The following NBEA variants were observed in gnomAD, a reference collection of about 807,000 sequenced individuals.
The protein encoded by NBEA is neurobeachin.
NBEA carries 44 observed loss-of-function variants against 343.4 expected under a neutral mutation model. The observed-to-expected ratio is 0.13, with a 90% CI of 0.10 to 0.16. The LOEUF is 0.16. Among genes scored for constraint, NBEA ranks in the 10% least tolerant of loss-of-function variants. The pLI is 1.00. For missense variants in NBEA, 2,555 were observed against 3,631.3 expected (o/e 0.70, Z 7.62); for synonymous variants, 1,175 against 1,238.7 (o/e 0.95, Z 1.08).
intron 1 of NBEA, among the ~76,000 whole-genome samples, chr13:35,028,197 A>G (rs900471871): frequency 1.3e-5 from 2 of 151,912 alleles, no homozygotes; most frequent in African/African-American, 4.8e-5. Flanking sequence ...TCTTGTTTAC[A>G]TCTACTAAAA....
intron 49 of NBEA, among the ~76,000 whole-genome samples, chr13:35,642,034 A>G (rs1388473362): frequency 2.6e-5 from 4 of 152,174 alleles, no homozygotes; most frequent in African/African-American, 4.8e-5. Flanking sequence ...AAGCAAATCT[A>G]TATTTTCATG....
chr13:35,349,638 T>C (rs2040074654), intron 37 of NBEA, among the ~76,000 whole-genome samples: 1 of 152,162 alleles, frequency 6.6e-6, no homozygotes, highest in Non-Finnish European at 1.5e-5. Flanking sequence ...AACAGTTATT[T>C]ATTATTTCAG....
At chr13:35,567,480 G>T (rs2080187000) in intron 45 of NBEA, among the ~76,000 whole-genome samples, 2 of 152,114 alleles carry the variant, frequency 1.3e-5, no homozygotes, top group South Asian at 4.1e-4. Context: ...CCAAAAGATG[G>T]CAAGAAAATG....
chr13:35,500,766 T>G (rs910460744), intron 41 of NBEA, among the ~76,000 whole-genome samples: 7 of 150,700 alleles, frequency 4.6e-5, no homozygotes, highest in African/African-American at 1.7e-4. Flanking sequence ...AATATTATCA[T>G]AGGAAATGGA....
intron 6 of NBEA, among the ~76,000 whole-genome samples, chr13:35,052,134 G>A (rs1312688722): frequency 2.6e-5 from 4 of 151,954 alleles, no homozygotes; most frequent in Non-Finnish European, 4.4e-5. Flanking sequence ...CACAAACCTT[G>A]AAAAGTCATA....
At chr13:35,416,803 G>A (rs1326622251) in intron 38 of NBEA, among the ~76,000 whole-genome samples, 1 of 151,876 alleles carries the variant, frequency 6.6e-6, no homozygotes, top group East Asian at 1.9e-4. Flanking sequence ...AATAGTTTCA[G>A]AAAGAATATT....
At chr13:35,607,067 A>G (rs930957943) in intron 48 of NBEA, among the ~76,000 whole-genome samples, 1 of 152,130 alleles carries the variant, frequency 6.6e-6, no homozygotes, top group Non-Finnish European at 1.5e-5. Flanking sequence ...GTTTTGTTTT[A>G]CAGACAGTGT....
chr13:35,573,498 A>G (rs1294930931), intron 45 of NBEA, among the ~76,000 whole-genome samples: 1 of 152,178 alleles, frequency 6.6e-6, no homozygotes, highest in Admixed American at 6.5e-5. Context: ...TTGTTTGTTT[A>G]TATCTCCAGT....
intron 55 of NBEA, among the ~76,000 whole-genome samples, chr13:35,660,233 A>G (rs937502681): frequency 2.0e-5 from 3 of 152,212 alleles, no homozygotes; most frequent in African/African-American, 4.8e-5. Context: ...CAGACACTCA[A>G]AATACATTGG....
intron 38 of NBEA, among the ~76,000 whole-genome samples, chr13:35,394,544 A>C (rs2042652975): frequency 6.6e-6 from 1 of 152,148 alleles, no homozygotes; most frequent in South Asian, 2.1e-4. Context: ...AATTAATATA[A>C]ATGTATTTTT....
intron 24 of NBEA, 25 bp downstream of exon 24, chr13:35,164,534 G>A (rs2069837391): frequency 6.3e-7 from 1 of 1,597,350 alleles, no homozygotes. Flanking sequence ...TCCATCTAGT[G>A]GTTATATTTT....
chr13:35,382,573 AAAT>A (rs2042065064), intron 38 of NBEA, among the ~76,000 whole-genome samples: 2 of 152,096 alleles, frequency 1.3e-5, no homozygotes, highest in Admixed American at 6.6e-5. Flanking sequence ...AATTATCAAT[AAAT>A]AATTGTGAAA....
At chr13:35,481,630 C>G (rs2076125389) in intron 41 of NBEA, among the ~76,000 whole-genome samples, 1 of 151,766 alleles carries the variant, frequency 6.6e-6, no homozygotes, top group Admixed American at 6.6e-5. Context: ...ACAAACCCTT[C>G]AGAAAGTTAC....
At chr13:35,001,596 A>C (rs1848508142) in intron 1 of NBEA, among the ~76,000 whole-genome samples, 1 of 152,152 alleles carries the variant, frequency 6.6e-6, no homozygotes, top group Non-Finnish European at 1.5e-5. Context: ...ACATGTTCTC[A>C]CTCATATGTG....
intron 1 of NBEA, among the ~76,000 whole-genome samples, chr13:34,967,352 T>G (rs989894802): frequency 1.3e-5 from 2 of 151,824 alleles, no homozygotes; most frequent in Non-Finnish European, 2.9e-5. Context: ...TTTTACCTTT[T>G]TTTTTTTAAA....
chr13:35,470,388 T>C (rs201272752), intron 40 of NBEA, among the ~76,000 whole-genome samples: 3 of 151,840 alleles, frequency 2.0e-5, no homozygotes, highest in African/African-American at 4.8e-5. Flanking sequence ...TTTTTTTTCA[T>C]GTTCTCAATT....
At chr13:35,463,138 G>A (rs1442092935) in intron 40 of NBEA, among the ~76,000 whole-genome samples, 5 of 152,148 alleles carry the variant, frequency 3.3e-5, no homozygotes, top group African/African-American at 1.2e-4. Context: ...CAATGAAGGA[G>A]AGCCCATAAT....
Position 35,550,646 on chromosome 13 carries a change from T to G in NBEA, c.6703+52T>G. The G allele has an allele frequency of 9.9e-6, 11 of 1,110,306 alleles. No homozygotes were observed. The South Asian group carries it at 1.5e-4, about 15-fold the overall frequency. The allele number at this position is 1,110,306 out of a possible 1,614,324, so 68.8% of individuals were successfully genotyped here. On this transcript the variant is annotated intron_variant, in intron 42 of 58. Transcript: ENST00000379939. ...AAATGTGCTCATATTTACATATTAT[T>G]CATTTACATGGTATGATAATGTCTT... is the stretch of plus-strand genomic sequence containing the variant.
chr13:35,124,767 TAC>T (rs760607449), intron 17 of NBEA, among the ~76,000 whole-genome samples: 19 of 150,092 alleles, frequency 1.3e-4, no homozygotes, highest in African/African-American at 3.2e-4. Flanking sequence ...TGGATATATA[TAC>T]ACACATATAT....
Sources: allele counts gnomAD v4.1 joint callset (sites outside exome capture counted in the v4.1 genomes callset), GRCh38; gene constraint gnomAD v4.1.1; transcripts MANE v1.5; gene names NCBI Gene and HGNC (gene_info 2026-07-23, HGNC 2026-07-21).